The following RAD51B variants were observed in gnomAD, a reference collection of about 807,000 sequenced individuals.
The protein encoded by RAD51B is DNA repair protein RAD51 homolog 2.
Under a neutral mutation model 42.2 loss-of-function variants are expected in RAD51B, and 38 were observed. The ratio of observed to expected loss-of-function variants is 0.90; its 90% CI spans 0.70 to 1.18. RAD51B has a LOEUF of 1.18. RAD51B is among the 50% of genes most tolerant of loss of function. The probability of loss-of-function intolerance (pLI) is 0.00; values close to 1 mark genes in which losing one functional copy is unlikely to be tolerated. For missense variants in RAD51B, 373 were observed against 400.7 expected (o/e 0.93, Z 0.59); for synonymous variants, 154 against 145.2 (o/e 1.06, Z -0.43).
intron 7 of RAD51B, among the ~76,000 whole-genome samples, chr14:67,906,773 A>G (rs1438198329): frequency 6.6e-6 from 1 of 151,040 alleles, no homozygotes; most frequent in African/African-American, 2.4e-5. Context: ...GTTTATTTGA[A>G]TATTCTCTCT....
intron 10 of RAD51B, among the ~76,000 whole-genome samples, chr14:68,570,949 G>A (rs967100095): frequency 6.6e-6 from 1 of 151,710 alleles, no homozygotes; most frequent in Non-Finnish European, 1.5e-5. Context: ...ATATTAGCTC[G>A]TGTCTTCATG....
intron 9 of RAD51B, among the ~76,000 whole-genome samples, chr14:68,435,854 C>T (rs1309378657): frequency 6.6e-6 from 1 of 151,886 alleles, no homozygotes; most frequent in Non-Finnish European, 1.5e-5. Context: ...TGTATTTTGC[C>T]CATTTTTTAA....
At chr14:68,652,919 T>C (rs2140139924) in intron 11 of RAD51B, among the ~76,000 whole-genome samples, 1 of 152,370 alleles carries the variant, frequency 6.6e-6, no homozygotes, top group East Asian at 1.9e-4. Context: ...TACTTCTTAA[T>C]CACAGGCCCC....
At chr14:68,123,733 G>C (rs561613001) in intron 7 of RAD51B, among the ~76,000 whole-genome samples, 2 of 152,124 alleles carry the variant, frequency 1.3e-5, no homozygotes, top group African/African-American at 2.4e-5. Flanking sequence ...GCTTCAACCC[G>C]GGAGGTGGAG....
intron 10 of RAD51B, among the ~76,000 whole-genome samples, chr14:68,637,641 G>A (rs1566961321): frequency 6.6e-6 from 1 of 152,238 alleles, no homozygotes; most frequent in Non-Finnish European, 1.5e-5. Context: ...CATTGGTGAT[G>A]AGAGACATGT....
intron 10 of RAD51B, among the ~76,000 whole-genome samples, chr14:68,507,976 G>A (rs921712647): frequency 3.9e-5 from 6 of 152,090 alleles, no homozygotes; most frequent in African/African-American, 9.7e-5. Flanking sequence ...TTGTACCGTC[G>A]GAAGCAGAGG....
At chr14:68,014,865 A>AG (rs386381657) in intron 7 of RAD51B, among the ~76,000 whole-genome samples, 1 of 146,628 alleles carries the variant, frequency 6.8e-6, no homozygotes, top group African/African-American at 2.5e-5. Context: ...AAAAAAAAAA[A>AG]GGAGCATGTG....
intron 10 of RAD51B, among the ~76,000 whole-genome samples, chr14:68,476,770 G>A (rs553734591): frequency 1.3e-5 from 2 of 152,288 alleles, no homozygotes; most frequent in African/African-American, 2.4e-5. Context: ...CACAAAACCC[G>A]ACAAATAGAG....
chr14:68,133,576 A>C (rs2077944520), intron 7 of RAD51B, among the ~76,000 whole-genome samples: 1 of 152,066 alleles, frequency 6.6e-6, no homozygotes, highest in Admixed American at 6.5e-5. Flanking sequence ...GGTTCAAGCG[A>C]TTCTCCTGCC....
At chr14:68,391,027 G>A (rs1464559761) in intron 8 of RAD51B, among the ~76,000 whole-genome samples, 3 of 152,154 alleles carry the variant, frequency 2.0e-5, no homozygotes, top group African/African-American at 7.2e-5. Flanking sequence ...AATCAGCATT[G>A]GAAACTTGGC....
intron 10 of RAD51B, among the ~76,000 whole-genome samples, chr14:68,538,341 C>T (rs1321104754): frequency 6.6e-6 from 1 of 152,160 alleles, no homozygotes; most frequent in Non-Finnish European, 1.5e-5. Flanking sequence ...AAGGGGAGGG[C>T]CGGGGGCCAG....
chr14:68,179,920 G>A (rs1029506418), intron 7 of RAD51B, among the ~76,000 whole-genome samples: 10 of 152,328 alleles, frequency 6.6e-5, no homozygotes, highest in South Asian at 4.1e-4. Flanking sequence ...ACACCAGCCA[G>A]TTGAGGTCTG....
intron 7 of RAD51B, among the ~76,000 whole-genome samples, chr14:67,941,929 C>T (rs1259829213): frequency 6.6e-6 from 1 of 152,182 alleles, no homozygotes; most frequent in Non-Finnish European, 1.5e-5. Flanking sequence ...CAGATTTGCA[C>T]TTGAATAAAA....
chr14:68,443,511 C>T (rs2085350076), intron 9 of RAD51B, among the ~76,000 whole-genome samples: 1 of 152,082 alleles, frequency 6.6e-6, no homozygotes, highest in Admixed American at 6.5e-5. Flanking sequence ...AATTCAGATG[C>T]TGACAAATGA....
At chr14:68,551,312 G>A (rs1888555844) in intron 10 of RAD51B, among the ~76,000 whole-genome samples, 2 of 152,150 alleles carry the variant, frequency 1.3e-5, no homozygotes, top group Admixed American at 1.3e-4. Flanking sequence ...CCCATGACCT[G>A]GCTCCAGGGC....
At chr14:67,937,911 T>C (rs1276444717) in intron 7 of RAD51B, among the ~76,000 whole-genome samples, 1 of 152,102 alleles carries the variant, frequency 6.6e-6, no homozygotes, top group African/African-American at 2.4e-5. Flanking sequence ...TTTTTCTTTT[T>C]TTGCATTAGG....
intron 8 of RAD51B, among the ~76,000 whole-genome samples, chr14:68,395,577 G>T (rs989152546): frequency 2.0e-5 from 3 of 152,046 alleles, no homozygotes; most frequent in Non-Finnish European, 4.4e-5. Context: ...ACCTTTTATT[G>T]TATTACTATT....
intron 7 of RAD51B, among the ~76,000 whole-genome samples, chr14:68,178,139 A>C (rs758742308): frequency 2.1e-4 from 32 of 152,106 alleles, no homozygotes; most frequent in African/African-American, 6.8e-4. Context: ...CTGAAACCCT[A>C]TCTCTTTGCG....
chr14:68,346,660 G>A (rs117277463), intron 8 of RAD51B, among the ~76,000 whole-genome samples: 16 of 152,204 alleles, frequency 1.1e-4, no homozygotes, highest in Non-Finnish European at 1.9e-4. Flanking sequence ...TGTTACTCTT[G>A]TACTTGAAAT....
Sources: gnomAD v4.1 joint callset for allele counts (sites outside exome capture counted in the v4.1 genomes callset) on GRCh38, gnomAD v4.1.1 for gene constraint, MANE v1.5 for transcripts, NCBI Gene and HGNC (gene_info 2026-07-23, HGNC 2026-07-21) for gene names.